The following ZNF18 variants were observed in gnomAD, a reference collection of about 807,000 sequenced individuals.
ZNF18 encodes the protein heart development-specific gene 1 protein.
In ZNF18, 42 loss-of-function variants were observed where a neutral mutation model predicts 58.1. The ratio of observed to expected loss-of-function variants is 0.72; its 90% CI spans 0.56 to 0.93. The LOEUF is 0.93. Ranked by LOEUF, ZNF18 falls within the 40% of genes least tolerant of loss-of-function variation. The pLI is 0.00. For missense variants in ZNF18, 540 were observed against 644.2 expected (o/e 0.84, Z 1.75); for synonymous variants, 231 against 239.8 (o/e 0.96, Z 0.34).
chr17:11,978,818 G>C (rs1029554319), intron 6 of ZNF18, 74 bp from the exon 7 acceptor site: 2 of 528,046 alleles, frequency 3.8e-6, no homozygotes, highest in Non-Finnish European at 5.9e-6. Flanking sequence ...CAAAGAGAGG[G>C]TCATCATAAA....
At chr17:12,010,083 T>C in the ZNF18 span, among the ~76,000 whole-genome samples, 1 of 151,924 alleles carries the variant, frequency 6.6e-6, no homozygotes, top group African/African-American at 2.4e-5. Context: ...TAGATTAGAA[T>C]AGACAGTAAT....
chr17:11,991,946 C>T (rs1968152014), intron 2 of ZNF18, among the ~76,000 whole-genome samples: 1 of 152,144 alleles, frequency 6.6e-6, no homozygotes, highest in South Asian at 2.1e-4. Context: ...AGGTTGGTGA[C>T]CTCATGGAGG....
At chr17:11,989,623 G>A (rs897412471) in intron 4 of ZNF18, among the ~76,000 whole-genome samples, 5 of 152,138 alleles carry the variant, frequency 3.3e-5, no homozygotes, top group Non-Finnish European at 7.3e-5. Flanking sequence ...ATTAGATGCT[G>A]TGAGATGAAA....
At chr17:12,011,763 C>G in the ZNF18 span, among the ~76,000 whole-genome samples, 25 of 143,872 alleles carry the variant, frequency 1.7e-4, no homozygotes, top group African/African-American at 6.5e-4. Flanking sequence ...TGCAGTGGCA[C>G]GATCTTGGCT....
the ZNF18 span, among the ~76,000 whole-genome samples, chr17:12,016,898 G>A: frequency 6.6e-5 from 10 of 151,930 alleles, no homozygotes; most frequent in Admixed American, 5.9e-4. Context: ...ATTATTAATA[G>A]TCAAAATAGT....
the ZNF18 span, among the ~76,000 whole-genome samples, chr17:12,015,206 C>A: frequency 6.6e-6 from 1 of 152,158 alleles, no homozygotes; most frequent in Admixed American, 6.5e-5. Flanking sequence ...CAAAACCAAA[C>A]CCACAATGCC....
At chr17:11,983,225 C>T (rs34660389) in intron 6 of ZNF18, 72 bp downstream of exon 6, 339,371 of 1,181,410 alleles carry the variant, frequency 0.29, 51,865 homozygotes, top group Middle Eastern at 0.36. Flanking sequence ...CCTCCTTCAC[C>T]ACCTCCCCAA....
At chr17:11,995,943 A>G (rs999057267) in intron 1 of ZNF18, among the ~76,000 whole-genome samples, 5 of 152,206 alleles carry the variant, frequency 3.3e-5, no homozygotes, top group East Asian at 1.9e-4. Context: ...CAAAAACCCA[A>G]TATCTGATAG....
At chr17:12,006,732 C>T in the ZNF18 span, among the ~76,000 whole-genome samples, 23 of 151,246 alleles carry the variant, frequency 1.5e-4, no homozygotes, top group South Asian at 2.1e-4. Flanking sequence ...ACCTAGGTGC[C>T]GAAGCTCAAA....
At chr17:11,998,264 T>C (rs760169125), upstream of ZNF18, 4 of 152,214 alleles carry the variant, frequency 2.6e-5, no homozygotes, top group African/African-American at 4.8e-5. Context: ...GCGTCCAGTG[T>C]TGCCGGTTTC....
At chr17:12,007,187 C>T in the ZNF18 span, among the ~76,000 whole-genome samples, 2 of 152,326 alleles carry the variant, frequency 1.3e-5, no homozygotes, top group Admixed American at 1.3e-4. Context: ...AATGCTGAGA[C>T]ATCATCTCCC....
intron 4 of ZNF18, among the ~76,000 whole-genome samples, chr17:11,985,939 G>A (rs148436376): frequency 2.6e-4 from 39 of 152,300 alleles, no homozygotes; most frequent in Non-Finnish European, 4.0e-4. Flanking sequence ...TCCTCCTACT[G>A]TACACAATAT....
intron 3 of ZNF18, among the ~76,000 whole-genome samples, 155 bp from the exon 4 acceptor site, chr17:11,990,705 C>T (rs1315088446): frequency 2.0e-5 from 3 of 152,198 alleles, no homozygotes; most frequent in Non-Finnish European, 1.5e-5. Context: ...CCCTGACACA[C>T]TCCAACCCCC....
the ZNF18 span, among the ~76,000 whole-genome samples, chr17:12,015,347 C>T: frequency 2.6e-5 from 4 of 152,102 alleles, no homozygotes; most frequent in African/African-American, 9.7e-5. Context: ...CTAGGTGATT[C>T]CTTTCTTTTA....
chr17:12,017,388 G>T, the ZNF18 span, among the ~76,000 whole-genome samples: 1 of 152,110 alleles, frequency 6.6e-6, no homozygotes, highest in Non-Finnish European at 1.5e-5. Flanking sequence ...TGGGTGGCCT[G>T]GTCCTGAGCC....
At chr17:12,014,746 G>C in the ZNF18 span, among the ~76,000 whole-genome samples, 34,823 of 152,096 alleles carry the variant, frequency 0.23, 4,143 homozygotes, top group Non-Finnish European at 0.25. Flanking sequence ...GCACAACTGT[G>C]AATGTACAAA....
intron 4 of ZNF18, among the ~76,000 whole-genome samples, chr17:11,984,746 A>G (rs968865651): frequency 6.6e-6 from 1 of 151,986 alleles, no homozygotes; most frequent in Admixed American, 6.6e-5. Flanking sequence ...TGACCTTGTG[A>G]TCTGCCCGCC....
At chr17:12,005,515 G>T in the ZNF18 span, among the ~76,000 whole-genome samples, 1 of 152,080 alleles carries the variant, frequency 6.6e-6, no homozygotes, top group Non-Finnish European at 1.5e-5. Context: ...TTACCAGATG[G>T]CATTGAAAAA....
chr17:12,020,953 C>A, the ZNF18 span: 30 of 1,216,802 alleles, frequency 2.5e-5, no homozygotes, highest in East Asian at 3.6e-4. Context: ...CACCCCCGGC[C>A]CCGTAGGGTC....
Sources: gnomAD v4.1 joint callset for allele counts (sites outside exome capture counted in the v4.1 genomes callset) on GRCh38, gnomAD v4.1.1 for gene constraint, MANE v1.5 for transcripts, NCBI Gene and HGNC (gene_info 2026-07-23, HGNC 2026-07-21) for gene names.